The following GSTCD variants were observed in gnomAD, a reference collection of about 807,000 sequenced individuals.
GSTCD encodes the protein glutathione S-transferase C-terminal domain containing.
Under a neutral mutation model 68.3 loss-of-function variants are expected in GSTCD, and 44 were observed. The observed-to-expected ratio is 0.64, with a 90% CI of 0.51 to 0.83. The LOEUF (loss-of-function observed/expected upper bound fraction) is 0.83. Among genes scored for constraint, GSTCD ranks in the 40% least tolerant of loss-of-function variants. GSTCD has a pLI of 0.00. For missense variants in GSTCD, 739 were observed against 735.9 expected (o/e 1.00, Z -0.05); for synonymous variants, 273 against 255.2 (o/e 1.07, Z -0.67).
intron 5 of GSTCD, among the ~76,000 whole-genome samples, chr4:105,781,624 G>T (rs1735276982): frequency 6.6e-6 from 1 of 151,892 alleles, no homozygotes; most frequent in Non-Finnish European, 1.5e-5. Context: ...AGTATTCTAC[G>T]CAGAACAGAA....
At chr4:105,792,159 T>C (rs572219309) in intron 5 of GSTCD, among the ~76,000 whole-genome samples, 2 of 152,128 alleles carry the variant, frequency 1.3e-5, no homozygotes, top group East Asian at 3.9e-4. Context: ...CTACTAAAAA[T>C]CCAACTTTGC....
intron 10 of GSTCD, among the ~76,000 whole-genome samples, chr4:105,838,218 T>C (rs1463701972): frequency 1.3e-5 from 2 of 152,200 alleles, no homozygotes; most frequent in African/African-American, 2.4e-5. Flanking sequence ...CACAATACCA[T>C]TGTTTTCACA....
chr4:105,800,025 A>G (rs1395196291), intron 5 of GSTCD, among the ~76,000 whole-genome samples: 1 of 152,124 alleles, frequency 6.6e-6, no homozygotes. Flanking sequence ...GCTTTCACGG[A>G]AGATTATTAA....
At chr4:105,787,429 C>T (rs1278434399) in intron 5 of GSTCD, among the ~76,000 whole-genome samples, 3 of 151,978 alleles carry the variant, frequency 2.0e-5, no homozygotes, top group African/African-American at 7.3e-5. Flanking sequence ...AAGGCCCCAC[C>T]TCTAGAAATT....
intron 5 of GSTCD, among the ~76,000 whole-genome samples, chr4:105,798,269 T>G (rs1275131847): frequency 6.6e-6 from 1 of 152,098 alleles, no homozygotes; most frequent in Non-Finnish European, 1.5e-5. Flanking sequence ...TATCCACAGT[T>G]GCTTCCTCTT....
At position 105,846,801 on chromosome 4, in the gene GSTCD, A is replaced by T. The variant is rs1367319727; in HGVS notation, c.*1224A>T. On this transcript the variant is annotated 3_prime_UTR_variant, in exon 12 of 12. Transcript: ENST00000515279. ...CTCCCGAGTAGCTAGGATTATAGGCACCTGCCACCATGCCCGGCTAATTTT... is the reference window on the plus strand; with the variant it reads ...CTCCCGAGTAGCTAGGATTATAGGCTCCTGCCACCATGCCCGGCTAATTTT... 1 of 150,512 alleles carries T rather than the reference A, an allele frequency of 6.6e-6. No individual in the cohort carries two copies. The highest frequency in any genetic ancestry group is 2.0e-4 in the East Asian group (1 of 5,076). 9.3% of individuals were successfully genotyped at this position (150,512 alleles called of 1,614,324 possible).
chr4:105,732,166 T>C lies in GSTCD; in HGVS notation c.1240+2667T>C, dbSNP rs566863962. Among the ~76,000 whole-genome samples the C allele has an allele frequency of 4.1e-3, 620 of 152,338 alleles. 5 individuals are homozygous for C. The highest frequency in any genetic ancestry group is 0.014 in the African/African-American group (600 of 41,590). On this transcript the variant is annotated intron_variant, in intron 5 of 11. Coordinates refer to ENST00000515279, the MANE Select transcript of GSTCD (RefSeq NM_001370181.1). ...GGTCTAAAATTCTTTTTTTGTTGTG[T>C]TTCTGCCAGGCTTTGGTATCAGGAT...
intron 1 of GSTCD, among the ~76,000 whole-genome samples, chr4:105,712,963 A>G (rs1465153627): frequency 6.6e-6 from 1 of 152,176 alleles, no homozygotes; most frequent in Non-Finnish European, 1.5e-5. Context: ...ATTTAAAGCT[A>G]TGGCACTGGA....
intron 5 of GSTCD, among the ~76,000 whole-genome samples, chr4:105,774,245 G>T (rs1734966827): frequency 6.6e-6 from 1 of 152,148 alleles, no homozygotes; most frequent in South Asian, 2.1e-4. Flanking sequence ...GCCTATGTAT[G>T]TCTTTGCACA....
At chr4:105,782,025 C>T (rs1183268739) in intron 5 of GSTCD, among the ~76,000 whole-genome samples, 2 of 152,098 alleles carry the variant, frequency 1.3e-5, no homozygotes, top group Non-Finnish European at 2.9e-5. Context: ...TTTAAATGCC[C>T]TGTCAGAATA....
At chr4:105,752,167 A>G (rs1464827678) in intron 5 of GSTCD, among the ~76,000 whole-genome samples, 1 of 152,078 alleles carries the variant, frequency 6.6e-6, no homozygotes, top group East Asian at 1.9e-4. Flanking sequence ...TCTGTTTGTG[A>G]GCCGTGAAAC....
chr4:105,791,296 G>A lies in GSTCD; in HGVS notation c.1241-31658G>A, dbSNP rs557495967. Among the ~76,000 whole-genome samples, 7 of 151,762 alleles carry A rather than the reference G, an allele frequency of 4.6e-5. No individual in the cohort carries two copies. In the East Asian group the frequency reaches 1.4e-3, roughly 29 times the overall value. On this transcript the variant is annotated intron_variant, in intron 5 of 11. Transcript: ENST00000515279. The stretch of plus-strand genomic sequence containing the variant: ...TAGTCCCAGCTACTCGGGAGGCTGA[G>A]GCAGGAGAATGGCGTGAACCTGGGA...
rs149173918 is a variant in GSTCD, at chr4:105,786,042, T to C, written c.1241-36912T>C. On this transcript the variant is annotated intron_variant, in intron 5 of 11. Transcript: ENST00000515279. ...TAACCCTTACATTACATCATACTCA[T>C]AATTTAACTCTAAATGGATCAAAGA... Among the ~76,000 whole-genome samples the C allele has an allele frequency of 3.3e-3, 496 of 152,302 alleles. 2 individuals carry two copies. The highest frequency in any genetic ancestry group is 0.011 in the African/African-American group (472 of 41,558).
At chr4:105,765,449 T>G (rs146179245) in intron 5 of GSTCD, among the ~76,000 whole-genome samples, 1 of 152,318 alleles carries the variant, frequency 6.6e-6, no homozygotes, top group Non-Finnish European at 1.5e-5. Context: ...TAACCCTTCA[T>G]TTAGAGGTGC....
At chr4:105,773,011 A>G (rs991443031) in intron 5 of GSTCD, among the ~76,000 whole-genome samples, 1 of 152,124 alleles carries the variant, frequency 6.6e-6, no homozygotes, top group Non-Finnish European at 1.5e-5. Flanking sequence ...TTGGTAGGCT[A>G]TTAATTACTG....
chr4:105,816,197 G>C (rs1722973850), intron 5 of GSTCD, among the ~76,000 whole-genome samples: 2 of 152,086 alleles, frequency 1.3e-5, no homozygotes, highest in African/African-American at 4.8e-5. Flanking sequence ...CTTTTTAAAA[G>C]AAGCTTTAGA....
At chr4:105,728,431 G>T (rs568515317) in intron 4 of GSTCD, among the ~76,000 whole-genome samples, 46 of 152,286 alleles carry the variant, frequency 3.0e-4, no homozygotes, top group African/African-American at 1.1e-3. Flanking sequence ...TGATGTCAGA[G>T]AGATGTGTTT....
intron 11 of GSTCD, 73 bp downstream of exon 11, chr4:105,842,207 T>G (rs1406870924): frequency 8.2e-7 from 1 of 1,216,670 alleles, no homozygotes; most frequent in African/African-American, 1.5e-5. Context: ...ACCAAGTCTA[T>G]ATGGGAAAAA....
At chr4:105,801,906 A>G (rs1037182760) in intron 5 of GSTCD, among the ~76,000 whole-genome samples, 1 of 152,064 alleles carries the variant, frequency 6.6e-6, no homozygotes, top group African/African-American at 2.4e-5. Flanking sequence ...AGTCAAACCT[A>G]TGAGTCCTGA....
Sources: allele counts gnomAD v4.1 joint callset (sites outside exome capture counted in the v4.1 genomes callset), GRCh38; gene constraint gnomAD v4.1.1; transcripts MANE v1.5; gene names NCBI Gene and HGNC (gene_info 2026-07-23, HGNC 2026-07-21).